The following DRP2 variants were observed in gnomAD, a reference collection of about 807,000 sequenced individuals.
DRP2 encodes the protein dystrophin related protein 2, also known as dystrophin-related protein 2.
In DRP2, 29 loss-of-function variants were observed where a neutral mutation model predicts 78.2. The observed-to-expected ratio is 0.37, with a 90% confidence interval of 0.28 to 0.51. The LOEUF (loss-of-function observed/expected upper bound fraction) is 0.51. DRP2 is among the 20% of genes least tolerant of loss of function. The pLI, the probability that DRP2 is intolerant of heterozygous loss-of-function variation, is 0.94. For missense variants in DRP2, 686 were observed against 770.6 expected (o/e 0.89, Z 1.30); for synonymous variants, 290 against 281.9 (o/e 1.03, Z -0.29).
At chrX:101,247,774 T>G (rs1922981821) in intron 12 of DRP2, among the ~76,000 whole-genome samples, 1 of 112,494 alleles carries the variant, frequency 8.9e-6, no homozygotes, top group Non-Finnish European at 1.9e-5. Context: ...AGACAGAAAC[T>G]TAAAATGGGA....
intron 6 of DRP2, among the ~76,000 whole-genome samples, chrX:101,241,461 AAC>A (rs1038915231): frequency 3.7e-5 from 4 of 108,169 alleles, no homozygotes; most frequent in South Asian, 3.8e-4. Flanking sequence ...TTTAAAAATA[AAC>A]AGTTTTTTTT....
intron 2 of DRP2, 44 bp from the exon 3 acceptor site, chrX:101,231,541 T>C: frequency 1.4e-6 from 1 of 717,316 alleles, no homozygotes; most frequent in Non-Finnish European, 2.2e-6. Context: ...ATTCATAGGC[T>C]TTTCTAGGTC....
Position 101,237,734 on chromosome X carries a change from G to C in DRP2, c.397G>C (p.Gly133Arg). The change falls in exon 5 of 24, where the codon GGG (glycine) becomes CGG (arginine). Residue 133 changes from glycine (G) to arginine (R), a missense_variant. Transcript: ENST00000395209. Reference protein sequence around the residue: ...EELSAQLPLQGDVALVQQEKE... With the variant: ...EELSAQLPLQRDVALVQQEKE... ...GTTGTCAGCTCAGCTGCCCCTACAG[G>C]GGGATGTGGCCCTGGTGCAACAGGA... The C allele has an allele frequency of 8.6e-7, 1 of 1,167,048 alleles. No homozygotes were observed. The highest frequency in any genetic ancestry group is 2.1e-5 in the South Asian group (1 of 47,999).
chrX:101,236,942 C>T (rs959265974), intron 4 of DRP2, among the ~76,000 whole-genome samples: 6 of 111,690 alleles, frequency 5.4e-5, no homozygotes, highest in Non-Finnish European at 9.4e-5. Context: ...GGCTTGATGG[C>T]TGCACATATC....
chrX:101,233,843 A>G (rs1469678969), intron 3 of DRP2, among the ~76,000 whole-genome samples: 1 of 111,762 alleles, frequency 8.9e-6, no homozygotes, highest in Non-Finnish European at 1.9e-5. Context: ...TGAAAATTCA[A>G]CGGGATGCCC....
chrX:101,250,546 A>G lies in DRP2; in HGVS notation c.1664A>G (p.Asn555Ser). The change falls in exon 15 of 24, where the codon AAT becomes AGT. Residue 555 changes from asparagine (N) to serine (S), a missense_variant. Physicochemically the swap from Asn to Ser is conservative, Grantham distance 46. This residue lies in a region of DRP2 where 423 missense variants were observed against 531.5 expected (regional missense o/e 0.80). Coordinates refer to ENST00000395209, the MANE Select transcript of DRP2 (RefSeq NM_001939.3). ...LGEVAAFGGS[N>S]VEPSVRSCFR... ...GAAGTGGCAGCCTTTGGGGGCAGCA[A>G]TGTGGAGCCCAGTGTCCGTAGTTGC... is the stretch of plus-strand genomic sequence containing the variant. 8.3e-7 allele frequency: 1 copy of G among 1,206,954 alleles called. No individual in the cohort carries two copies. The highest frequency in any genetic ancestry group is 1.1e-6 in the Non-Finnish European group (1 of 892,926).
At position 101,250,514 on chromosome X, in the gene DRP2, G is replaced by A; in HGVS notation, c.1632G>A (p.Gln544=). Residue 544 remains glutamine, a synonymous_variant, in exon 15 of 24, where the codon CAG becomes CAA. Transcript: ENST00000395209. ...LLHEAIQVPR[Q]LGEVAAFGGS... is the part of the protein sequence containing the mutation. ...ATGAGGCCATTCAGGTGCCCCGTCAGCTGGGTGAAGTGGCAGCCTTTGGGG... is the reference window on the plus strand; with the variant it reads ...ATGAGGCCATTCAGGTGCCCCGTCAACTGGGTGAAGTGGCAGCCTTTGGGG... 8.3e-7 allele frequency: 1 copy of A among 1,210,794 alleles called. No individual in the cohort carries two copies. Among genetic ancestry groups the A allele is most frequent in the Non-Finnish European group, 1.1e-6 (1 of 895,104 alleles).
chrX:101,245,553 T>C (rs1922904314), intron 11 of DRP2, 104 bp downstream of exon 11: 4 of 628,104 alleles, frequency 6.4e-6, no homozygotes, highest in South Asian at 3.3e-5. Flanking sequence ...GGTATATCCA[T>C]GTAATGGAAT....
In DRP2 at chrX:101,247,155, GC is replaced by G. The variant is rs1481483170; in HGVS notation, c.1246del (p.Leu416CysfsTer6). On this transcript the variant is annotated frameshift_variant, in exon 12 of 24. Transcript: ENST00000395209. LOFTEE classifies it high-confidence loss of function. ...TAMKLRRVQK[A>X]LRLDLVTLTT... Reference sequence around the variant, plus strand: ...CATGAAACTCCGCAGAGTCCAGAAAGCCCTGCGCTGTACGTCTCCTGTTGTA... The same window carrying G: ...CATGAAACTCCGCAGAGTCCAGAAAGCCTGCGCTGTACGTCTCCTGTTGTA... 8.3e-7 allele frequency: 1 copy of G among 1,205,637 alleles called. No individual in the cohort carries two copies. Among genetic ancestry groups the G allele is most frequent in the Admixed American group, 2.2e-5 (1 of 45,421 alleles).
Position 101,254,639 on chromosome X carries a change from G to A in DRP2, c.2114+78G>A, listed in dbSNP as rs930905516. 134 of 1,174,195 alleles carry A rather than the reference G, an allele frequency of 1.1e-4. No homozygotes were observed. The African/African-American group carries it at 2.2e-3, about 19-fold the overall frequency. On this transcript the variant is annotated intron_variant, in intron 18 of 23. Coordinates refer to ENST00000395209, the MANE Select transcript of DRP2 (RefSeq NM_001939.3). ...GTATGCTGTGAAGGGGCTGAGTCCC[G>A]AGTGGGCTAGGAGAATGTTCCAAGG...
intron 12 of DRP2, among the ~76,000 whole-genome samples, chrX:101,247,782 G>T (rs1405575355): frequency 8.9e-6 from 1 of 112,172 alleles, no homozygotes; most frequent in East Asian, 2.8e-4. Flanking sequence ...ACTTAAAATG[G>T]GATTTGATCC....
At position 101,235,971 on chromosome X, in the gene DRP2, C is replaced by T. The variant is rs1305121286; in HGVS notation, c.229C>T (p.Pro77Ser). The T allele has an allele frequency of 1.7e-6, 2 of 1,211,955 alleles. No individual in the cohort carries two copies. ...SVGASGPLEPPAMNLCWNEIK... is the reference protein window; with the variant it reads ...SVGASGPLEPSAMNLCWNEIK... ...TGGTGCCTCTGGACCCCTGGAACCACCAGCCATGAATCTGTGTTGGAATGA... is the reference window on the plus strand; with the variant it reads ...TGGTGCCTCTGGACCCCTGGAACCATCAGCCATGAATCTGTGTTGGAATGA... Residue 77 changes from proline (P) to serine (S), a missense_variant, in exon 4 of 24, where the codon CCA becomes TCA. By Grantham distance (74) the Pro-to-Ser change is moderately conservative (BLOSUM62 -1). Transcript: ENST00000395209.
In DRP2 at chrX:101,246,388, G is replaced by C. The variant is rs1030702722; in HGVS notation, c.1178-702G>C. 3.5e-5 allele frequency among the ~76,000 whole-genome samples: 4 copies of C among 112,726 alleles called. No individual in the cohort carries two copies. In the South Asian group the frequency reaches 1.1e-3, roughly 31 times the overall value. On this transcript the variant is annotated intron_variant, in intron 11 of 23. Coordinates refer to ENST00000395209, the MANE Select transcript of DRP2 (RefSeq NM_001939.3). ...GTTTGTTGCACATTTTATCCATGCT[G>C]ATGCATGTGACTACAGTTCATTCTT...
intron 3 of DRP2, among the ~76,000 whole-genome samples, chrX:101,235,604 A>G (rs1004427539): frequency 1.8e-5 from 2 of 112,548 alleles, no homozygotes; most frequent in Admixed American, 9.4e-5. Flanking sequence ...CCCTAGGTCC[A>G]AAATTTATAA....
intron 15 of DRP2, 75 bp from the exon 16 acceptor site, chrX:101,250,842 C>G (rs1923111224): frequency 1.7e-6 from 2 of 1,151,864 alleles, no homozygotes; most frequent in East Asian, 6.0e-5. Flanking sequence ...TTCTCCTGCC[C>G]CTCTGAGGGC....
At chrX:101,257,037 C>A (rs1722875119) in intron 21 of DRP2, among the ~76,000 whole-genome samples, 1 of 109,507 alleles carries the variant, frequency 9.1e-6, no homozygotes, top group African/African-American at 3.3e-5. Flanking sequence ...AATGACACTA[C>A]ATAGAGCGTT....
intron 1 of DRP2, among the ~76,000 whole-genome samples, chrX:101,220,348 C>T: frequency 9.5e-6 from 1 of 104,982 alleles, no homozygotes; most frequent in East Asian, 3.0e-4. Flanking sequence ...TTGCATGTGC[C>T]TTTAGTGGAA....
chrX:101,247,451 GT>G (rs1190679967), intron 12 of DRP2, among the ~76,000 whole-genome samples: 2 of 112,134 alleles, frequency 1.8e-5, no homozygotes, highest in Non-Finnish European at 3.8e-5. Context: ...GTGACAGGAA[GT>G]ACTGCAACCC....
At chrX:101,225,182 T>C (rs1415956545) in intron 2 of DRP2, among the ~76,000 whole-genome samples, 2 of 111,490 alleles carry the variant, frequency 1.8e-5, no homozygotes, top group Non-Finnish European at 3.8e-5. Flanking sequence ...TTAGACTCAC[T>C]GCATCTTATC....
Sources: gnomAD v4.1 joint callset for allele counts (sites outside exome capture counted in the v4.1 genomes callset) on GRCh38, gnomAD v4.1.1 for gene constraint, gnomAD v4.1.1 regional missense constraint, MANE v1.5 for transcripts, NCBI Gene and HGNC (gene_info 2026-07-23, HGNC 2026-07-21) for gene names.